The following ERC2 variants were observed in gnomAD, a reference collection of about 807,000 sequenced individuals.
The protein encoded by ERC2 is ELKS/RAB6-interacting/CAST family member 2.
In ERC2, 42 loss-of-function variants were observed where a neutral mutation model predicts 114.8. The ratio of observed to expected loss-of-function variants is 0.37; its 90% CI spans 0.29 to 0.47. ERC2 has a LOEUF of 0.47. ERC2 is among the 20% of genes least tolerant of loss of function. ERC2 has a pLI of 0.99. For synonymous variants in ERC2, 454 were observed against 425.5 expected (o/e 1.07, Z -0.82); for missense variants, 939 against 1,150.7 (o/e 0.82, Z 2.66).
intron 2 of ERC2, among the ~76,000 whole-genome samples, chr3:56,400,302 G>T (rs1271299142): frequency 6.6e-6 from 1 of 152,112 alleles, no homozygotes; most frequent in Non-Finnish European, 1.5e-5. Context: ...TTAAGGAAAG[G>T]TGATGGTTAT....
chr3:56,161,073 C>T (rs142453067), intron 4 of ERC2, among the ~76,000 whole-genome samples: 1 of 152,244 alleles, frequency 6.6e-6, no homozygotes, highest in Non-Finnish European at 1.5e-5. Context: ...TAACACCATC[C>T]CCTTGCTGCT....
intron 3 of ERC2, among the ~76,000 whole-genome samples, chr3:56,276,472 A>C (rs1340769698): frequency 6.6e-6 from 1 of 151,554 alleles, no homozygotes; most frequent in South Asian, 2.1e-4. Flanking sequence ...AAAAAAAAAA[A>C]AAAAACAAAC....
At chr3:56,259,187 G>T (rs1473857769) in intron 3 of ERC2, among the ~76,000 whole-genome samples, 1 of 151,862 alleles carries the variant, frequency 6.6e-6, no homozygotes, top group Non-Finnish European at 1.5e-5. Context: ...GATCAGGCTG[G>T]TCTTGAACTC....
At chr3:56,289,230 C>A (rs1203968317) in intron 3 of ERC2, among the ~76,000 whole-genome samples, 1 of 152,096 alleles carries the variant, frequency 6.6e-6, no homozygotes, top group East Asian at 1.9e-4. Context: ...TTGTCTCTTC[C>A]TCCTCAAATC....
intron 1 of ERC2, among the ~76,000 whole-genome samples, chr3:56,441,064 G>A (rs746408149): frequency 1.3e-5 from 2 of 152,140 alleles, no homozygotes; most frequent in Non-Finnish European, 2.9e-5. Flanking sequence ...TTCCAGCTCT[G>A]AGTCTAACCC....
At chr3:55,542,158 C>A (rs753617346) in intron 17 of ERC2, among the ~76,000 whole-genome samples, 3 of 152,182 alleles carry the variant, frequency 2.0e-5, no homozygotes, top group Non-Finnish European at 4.4e-5. Context: ...CAGATAAGTT[C>A]TTTTCCCTAT....
At chr3:55,537,732 G>T (rs1795648) in intron 17 of ERC2, among the ~76,000 whole-genome samples, 1 of 152,020 alleles carries the variant, frequency 6.6e-6, no homozygotes, top group African/African-American at 2.4e-5. Context: ...TTCTTGTAGA[G>T]AGCCTTAGAA....
chr3:55,690,910 G>A (rs1396818978), intron 16 of ERC2, among the ~76,000 whole-genome samples: 1 of 152,166 alleles, frequency 6.6e-6, no homozygotes, highest in African/African-American at 2.4e-5. Flanking sequence ...CAACTGCTGC[G>A]TAACTCCGCC....
At chr3:55,765,634 C>A (rs1196294852) in intron 14 of ERC2, among the ~76,000 whole-genome samples, 1 of 152,178 alleles carries the variant, frequency 6.6e-6, no homozygotes, top group African/African-American at 2.4e-5. Context: ...TGGGTCGTTA[C>A]TTGAGGCTTT....
chr3:55,738,949 C>T (rs886286024), intron 14 of ERC2, among the ~76,000 whole-genome samples: 1 of 152,044 alleles, frequency 6.6e-6, no homozygotes, highest in African/African-American at 2.4e-5. Flanking sequence ...TGTGATGTTC[C>T]CCTCCCTGTG....
intron 7 of ERC2, among the ~76,000 whole-genome samples, chr3:56,029,478 C>G (rs538489545): frequency 1.3e-5 from 2 of 151,978 alleles, no homozygotes; most frequent in African/African-American, 2.4e-5. Context: ...TTTTCAGGAG[C>G]CTTTTAACTA....
chr3:56,449,901 T>C (rs1263064238), intron 1 of ERC2, among the ~76,000 whole-genome samples: 1 of 152,246 alleles, frequency 6.6e-6, no homozygotes, highest in Non-Finnish European at 1.5e-5. Flanking sequence ...TCACTAAACT[T>C]AGCCCTGTCA....
chr3:55,576,601 CA>C (rs1486792076), intron 17 of ERC2, among the ~76,000 whole-genome samples: 19 of 152,320 alleles, frequency 1.2e-4, no homozygotes, highest in Admixed American at 2.6e-4. Flanking sequence ...ATTTCCAGAG[CA>C]AAAGTAGGAA....
chr3:55,862,505 G>GCC (rs2062074814), intron 14 of ERC2, among the ~76,000 whole-genome samples: 1 of 152,234 alleles, frequency 6.6e-6, no homozygotes, highest in Admixed American at 6.5e-5. Context: ...GATAAACTAG[G>GCC]ATGGCCTAGT....
At chr3:55,944,251 T>G (rs1019513132) in intron 13 of ERC2, among the ~76,000 whole-genome samples, 1 of 152,242 alleles carries the variant, frequency 6.6e-6, no homozygotes, top group Non-Finnish European at 1.5e-5. Flanking sequence ...ACATTCACTT[T>G]GCCAAGGACT....
chr3:55,789,175 C>G (rs2069772307), intron 14 of ERC2, among the ~76,000 whole-genome samples: 1 of 152,188 alleles, frequency 6.6e-6, no homozygotes, highest in Non-Finnish European at 1.5e-5. Context: ...GCAGATGTCC[C>G]CCGCCAATTT....
intron 15 of ERC2, among the ~76,000 whole-genome samples, chr3:55,702,072 G>C (rs2063250476): frequency 6.6e-6 from 1 of 151,784 alleles, no homozygotes; most frequent in South Asian, 2.1e-4. Flanking sequence ...CCAGCAACAA[G>C]CCTAAAGTTC....
chr3:55,905,469 C>A (rs1376193651), intron 13 of ERC2, among the ~76,000 whole-genome samples: 1 of 150,470 alleles, frequency 6.6e-6, no homozygotes, highest in Admixed American at 6.6e-5. Flanking sequence ...ATCCCTCCCG[C>A]CCCCTCCCTC....
chr3:55,697,348 C>T lies in ERC2; in HGVS notation c.2847+2030G>A, dbSNP rs557058660. On this transcript the variant is annotated intron_variant, in intron 16 of 17. Coordinates refer to ENST00000288221, the MANE Select transcript of ERC2 (RefSeq NM_015576.3). ...AGATGGTGGATGTGAAAGTGAAAGA[C>T]CATCACCATCTTCCTAACAGTAGCA... Among the ~76,000 whole-genome samples the T allele has an allele frequency of 2.6e-5, 4 of 152,276 alleles. No individual in the cohort carries two copies. The South Asian group carries it at 8.3e-4, about 32-fold the overall frequency.
Sources: allele counts gnomAD v4.1 joint callset (sites outside exome capture counted in the v4.1 genomes callset), GRCh38; gene constraint gnomAD v4.1.1; transcripts MANE v1.5; gene names NCBI Gene and HGNC (gene_info 2026-07-23, HGNC 2026-07-21).